LRTM3: variants seen among roughly 807,000 people sequenced by gnomAD.
LRTM3 encodes the protein leucine rich repeat transmembrane protein 3, also known as leucine-rich repeat transmembrane protein 3.
At chr13:102,744,420 G>A in the LRTM3 span, 46 of 1,549,332 alleles carry the variant, frequency 3.0e-5, no homozygotes, top group Non-Finnish European at 3.7e-5. Context: ...GGGGTATCAC[G>A]TGGTATTGAA....
chr13:102,755,917 G>GTGTGTA, the LRTM3 span, among the ~76,000 whole-genome samples: 1 of 59,736 alleles, frequency 1.7e-5, no homozygotes, highest in African/African-American at 4.7e-5. Context: ...GTGTGTGTGT[G>GTGTGTA]TGTGTGTGTG....
chr13:102,738,932 CTGTCTT>C, the LRTM3 span: 1 of 1,550,714 alleles, frequency 6.4e-7, no homozygotes. Flanking sequence ...CTTTTCCACT[CTGTCTT>C]TGTCTTTCTG....
At chr13:102,733,801 G>A in the LRTM3 span, 16 of 1,551,428 alleles carry the variant, frequency 1.0e-5, no homozygotes, top group Non-Finnish European at 1.4e-5. Flanking sequence ...GCTGGACGCT[G>A]ATCATGAAGT....
At chr13:102,743,863 G>A in the LRTM3 span, 1 of 1,550,496 alleles carries the variant, frequency 6.4e-7, no homozygotes, top group East Asian at 2.4e-5. Flanking sequence ...TGTTCCTCTG[G>A]TTTTTAGAGT....
At chr13:102,734,769 A>T in the LRTM3 span, 14 of 1,551,062 alleles carry the variant, frequency 9.0e-6, no homozygotes, top group Middle Eastern at 1.7e-4. Flanking sequence ...TGAGATAGAG[A>T]TGGCAATGAA....
the LRTM3 span, chr13:102,733,187 A>G: frequency 2.6e-5 from 40 of 1,551,382 alleles, no homozygotes; most frequent in Non-Finnish European, 3.5e-5. Context: ...ACACCGTCGG[A>G]TCACTTGCTT....
At chr13:102,745,305 C>T in the LRTM3 span, 2 of 1,550,704 alleles carry the variant, frequency 1.3e-6, no homozygotes, top group African/African-American at 1.4e-5. Flanking sequence ...GTAATACTAT[C>T]TTCATGTGGA....
At chr13:102,740,474 C>T in the LRTM3 span, 122 of 1,549,960 alleles carry the variant, frequency 7.9e-5, no homozygotes, top group Non-Finnish European at 1.0e-4. Context: ...CTTTTGAGGG[C>T]AAGATATATG....
chr13:102,736,256 T>A, the LRTM3 span: 2 of 1,550,902 alleles, frequency 1.3e-6, no homozygotes, highest in Non-Finnish European at 1.7e-6. Flanking sequence ...TGTCCTGTCC[T>A]GCTTCTGTCC....
chr13:102,734,936 C>T, the LRTM3 span: 10 of 1,551,042 alleles, frequency 6.4e-6, no homozygotes, highest in Admixed American at 2.0e-5. Flanking sequence ...TAAAATATCA[C>T]CAGCAATTGG....
At chr13:102,753,503 AAAAAAG>A in the LRTM3 span, among the ~76,000 whole-genome samples, 1 of 151,806 alleles carries the variant, frequency 6.6e-6, no homozygotes, top group Non-Finnish European at 1.5e-5. Context: ...TTAAAAAAAA[AAAAAAG>A]AAAAGAAAAA....
chr13:102,748,889 G>A, the LRTM3 span: 2 of 1,549,936 alleles, frequency 1.3e-6, no homozygotes, highest in African/African-American at 1.4e-5. Flanking sequence ...TTCCTTTTTA[G>A]TAATATCTGA....
the LRTM3 span, chr13:102,732,820 A>G: frequency 6.4e-7 from 1 of 1,551,314 alleles, no homozygotes; most frequent in South Asian, 1.2e-5. Context: ...GATTCACAGT[A>G]CTATCATTGT....
At chr13:102,733,930 T>G in the LRTM3 span, 1 of 1,551,292 alleles carries the variant, frequency 6.4e-7, no homozygotes, top group Non-Finnish European at 8.7e-7. Flanking sequence ...TATTTGAGGG[T>G]ACATGGAGAG....
the LRTM3 span, chr13:102,742,718 C>T: frequency 6.4e-7 from 1 of 1,550,676 alleles, no homozygotes; most frequent in Non-Finnish European, 8.7e-7. Flanking sequence ...ACCTTGGGGA[C>T]TTGACCTGTC....
chr13:102,735,371 T>C, the LRTM3 span: 1 of 1,551,330 alleles, frequency 6.4e-7, no homozygotes, highest in Non-Finnish European at 8.7e-7. Flanking sequence ...ATCTGATGAT[T>C]CCTTGGACCG....
the LRTM3 span, chr13:102,732,093 T>G: frequency 3.9e-6 from 6 of 1,551,402 alleles, no homozygotes; most frequent in Non-Finnish European, 5.2e-6. Context: ...TGTGGAACTG[T>G]GTTTGTAAAA....
At chr13:102,755,961 A>ATTT in the LRTM3 span, among the ~76,000 whole-genome samples, 25 of 53,382 alleles carry the variant, frequency 4.7e-4, no homozygotes, top group African/African-American at 1.4e-3. Context: ...ATATATATAT[A>ATTT]TTTTTTTTTT....
At chr13:102,737,794 T>TA in the LRTM3 span, 2 of 1,551,006 alleles carry the variant, frequency 1.3e-6, no homozygotes, top group Non-Finnish European at 1.7e-6. Context: ...GCCTTGGTTG[T>TA]AAAATACCAG....
Sources: gnomAD v4.1 joint callset for allele counts (sites outside exome capture counted in the v4.1 genomes callset) on GRCh38, gnomAD v4.1.1 for gene constraint, MANE v1.5 for transcripts, NCBI Gene and HGNC (gene_info 2026-07-23, HGNC 2026-07-21) for gene names.